Variants in GRB2 observed in about 807,000 individuals in gnomAD.
GRB2 encodes the protein growth factor receptor bound protein 2, also known as growth factor receptor-bound protein 2.
GRB2 carries 2 observed loss-of-function variants against 27.4 expected under a neutral mutation model. The observed-to-expected ratio is 0.07, with a 90% CI of 0.03 to 0.23. The LOEUF (loss-of-function observed/expected upper bound fraction) is 0.23. Among genes scored for constraint, GRB2 ranks in the 10% least tolerant of loss-of-function variants. The pLI, the probability that GRB2 is intolerant of heterozygous loss-of-function variation, is 1.00. For synonymous variants in GRB2, 94 were observed against 99.6 expected (o/e 0.94, Z 0.33); for missense variants, 102 against 282.4 (o/e 0.36, Z 4.58).
chr17:75,343,680 T>C (rs2078636721), intron 2 of GRB2, among the ~76,000 whole-genome samples: 1 of 84,540 alleles, frequency 1.2e-5, no homozygotes, highest in African/African-American at 2.6e-5. Context: ...CCTAAATGCA[T>C]AGACAAACCC....
At chr17:75,368,013 C>G (rs1163460928) in intron 2 of GRB2, among the ~76,000 whole-genome samples, 2 of 151,640 alleles carry the variant, frequency 1.3e-5, no homozygotes, top group African/African-American at 2.4e-5. Context: ...CTCCCAGGTT[C>G]AAACGATTCT....
intron 3 of GRB2, among the ~76,000 whole-genome samples, chr17:75,330,886 C>A (rs1336339962): frequency 6.6e-6 from 1 of 152,090 alleles, no homozygotes; most frequent in Non-Finnish European, 1.5e-5. Flanking sequence ...ACAACTCATG[C>A]TGCAGCACTA....
At chr17:75,326,860 T>C (rs2078501690) in intron 3 of GRB2, among the ~76,000 whole-genome samples, 1 of 152,192 alleles carries the variant, frequency 6.6e-6, no homozygotes, top group African/African-American at 2.4e-5. Flanking sequence ...CTATTTCAAA[T>C]GAAAACTATA....
intron 3 of GRB2, among the ~76,000 whole-genome samples, chr17:75,327,826 G>A (rs369562583): frequency 5.3e-5 from 8 of 152,116 alleles, no homozygotes; most frequent in South Asian, 4.1e-4. Context: ...TCAGCCTCTA[G>A]GGACTCTTAG....
chr17:75,347,865 T>A (rs1385361376), intron 2 of GRB2, among the ~76,000 whole-genome samples: 1 of 152,200 alleles, frequency 6.6e-6, no homozygotes, highest in Non-Finnish European at 1.5e-5. Context: ...AGGTGTTCTC[T>A]ACCAGGACTC....
chr17:75,347,405 C>T (rs2078662273), intron 2 of GRB2, among the ~76,000 whole-genome samples: 1 of 152,180 alleles, frequency 6.6e-6, no homozygotes, highest in African/African-American at 2.4e-5. Context: ...ATTTTCTACA[C>T]TGCCATGCCC....
intron 3 of GRB2, 28 bp from the exon 4 acceptor site, chr17:75,326,048 A>C (rs2078496549): frequency 1.9e-6 from 3 of 1,613,472 alleles, no homozygotes; most frequent in Non-Finnish European, 2.5e-6. Context: ...GCTGGTCAAC[A>C]TCTGCTTCCC....
chr17:75,380,686 T>G (rs1421466002), intron 2 of GRB2, among the ~76,000 whole-genome samples: 1 of 152,176 alleles, frequency 6.6e-6, no homozygotes, highest in African/African-American at 2.4e-5. Context: ...TATGAATACA[T>G]GCCATATTTC....
chr17:75,324,389 T>TG (rs1216026344), intron 4 of GRB2, among the ~76,000 whole-genome samples: 1 of 136,590 alleles, frequency 7.3e-6, no homozygotes, highest in Non-Finnish European at 1.5e-5. Flanking sequence ...TTTTTTTTTT[T>TG]AGTAGAGACA....
intron 1 of GRB2, among the ~76,000 whole-genome samples, chr17:75,404,349 CT>C (rs2079083991): frequency 6.6e-6 from 1 of 152,102 alleles, no homozygotes; most frequent in Non-Finnish European, 1.5e-5. Flanking sequence ...TCTAGCAACC[CT>C]TCTGGCTGAC....
intron 3 of GRB2, among the ~76,000 whole-genome samples, chr17:75,332,398 C>T (rs2078547103): frequency 1.3e-5 from 2 of 152,028 alleles, no homozygotes; most frequent in Admixed American, 1.3e-4. Flanking sequence ...AAAAAAAATG[C>T]AGAATTATAA....
chr17:75,365,077 C>T (rs2078810792), intron 2 of GRB2, among the ~76,000 whole-genome samples: 1 of 152,014 alleles, frequency 6.6e-6, no homozygotes, highest in African/African-American at 2.4e-5. Context: ...TACTGGCCAC[C>T]TTTATTTTTA....
At chr17:75,376,337 T>C (rs2078893479) in intron 2 of GRB2, among the ~76,000 whole-genome samples, 2 of 95,334 alleles carry the variant, frequency 2.1e-5, no homozygotes, top group Non-Finnish European at 4.5e-5. Flanking sequence ...AGACAGAGAC[T>C]CTGTCTCAAA....
At chr17:75,366,351 TTC>T (rs903358899) in intron 2 of GRB2, among the ~76,000 whole-genome samples, 5 of 152,162 alleles carry the variant, frequency 3.3e-5, no homozygotes, top group Admixed American at 2.0e-4. Flanking sequence ...ATGTTTATTT[TTC>T]TAAAAGGCAA....
chr17:75,330,147 G>A (rs973507188), intron 3 of GRB2, among the ~76,000 whole-genome samples: 5 of 150,324 alleles, frequency 3.3e-5, no homozygotes, highest in Admixed American at 6.6e-5. Context: ...ACTTTGGGAG[G>A]CCGAGGCGGG....
intron 4 of GRB2, among the ~76,000 whole-genome samples, chr17:75,324,132 C>T (rs373375783): frequency 5.3e-5 from 8 of 150,382 alleles, no homozygotes; most frequent in African/African-American, 2.0e-4. Flanking sequence ...TTAAAATCTA[C>T]GTTTCAAAAA....
At chr17:75,321,139 AG>A (rs776860863) in intron 5 of GRB2, among the ~76,000 whole-genome samples, 1 of 151,432 alleles carries the variant, frequency 6.6e-6, no homozygotes, top group Non-Finnish European at 1.5e-5. Context: ...CCTCTGGAAA[AG>A]CAAAAACCTT....
At chr17:75,348,952 A>C (rs1252879600) in intron 2 of GRB2, among the ~76,000 whole-genome samples, 1 of 152,206 alleles carries the variant, frequency 6.6e-6, no homozygotes, top group East Asian at 1.9e-4. Flanking sequence ...CTGGGATTTC[A>C]GGCATGAGCC....
intron 2 of GRB2, among the ~76,000 whole-genome samples, chr17:75,346,363 G>A (rs762881345): frequency 3.8e-4 from 57 of 151,898 alleles, no homozygotes; most frequent in Non-Finnish European, 7.9e-4. Context: ...GGGCACGGTG[G>A]CGGGCGCCTG....
Sources: allele counts gnomAD v4.1 joint callset (sites outside exome capture counted in the v4.1 genomes callset), GRCh38; gene constraint gnomAD v4.1.1; transcripts MANE v1.5; gene names NCBI Gene and HGNC (gene_info 2026-07-23, HGNC 2026-07-21).